CDH13: variants seen among roughly 807,000 people sequenced by gnomAD.
CDH13 encodes cadherin 13, also known as cadherin-13.
In CDH13, 24 loss-of-function variants were observed where a neutral mutation model predicts 63.8. The observed-to-expected ratio is 0.38, with a 90% CI of 0.27 to 0.53. The LOEUF is 0.53. Ranked by LOEUF, CDH13 falls within the 20% of genes least tolerant of loss-of-function variation. The probability of loss-of-function intolerance (pLI) is 0.85; values close to 1 mark genes in which losing one functional copy is unlikely to be tolerated. For missense variants in CDH13, 1,049 were observed against 903.1 expected (o/e 1.16, Z -2.07); for synonymous variants, 503 against 355.3 (o/e 1.42, Z -4.67).
chr16:83,574,481 C>G (rs1904925935), intron 7 of CDH13, among the ~76,000 whole-genome samples: 1 of 152,108 alleles, frequency 6.6e-6, no homozygotes, highest in African/African-American at 2.4e-5. Context: ...GAACCAAATA[C>G]CCAGGTCTGG....
Position 83,678,288 on chromosome 16 carries a change from C to T in CDH13, c.1365C>T (p.Ser455=). 1.2e-6 allele frequency: 2 copies of T among 1,614,008 alleles called. No homozygotes were observed. Among genetic ancestry groups the T allele is most frequent in the Non-Finnish European group, 1.7e-6 (2 of 1,179,900 alleles). ...ENEDPLVPDV[S]YGPSSTATVH... is the part of the protein sequence containing the mutation. ...AAGACCCACTCGTACCCGACGTCTC[C>T]TACGGCCCCAGCTCCACAGCCACCG... Residue 455 remains serine (S), a synonymous_variant, in exon 10 of 14, where the codon TCC becomes TCT. Coordinates refer to ENST00000567109, the MANE Select transcript of CDH13 (RefSeq NM_001257.5).
intron 5 of CDH13, among the ~76,000 whole-genome samples, chr16:83,310,666 A>G (rs1321217256): frequency 6.6e-6 from 1 of 152,112 alleles, no homozygotes; most frequent in Non-Finnish European, 1.5e-5. Flanking sequence ...ACTTCATTCC[A>G]TCAAAATGAA....
intron 5 of CDH13, among the ~76,000 whole-genome samples, chr16:83,276,745 C>A (rs2089001705): frequency 6.6e-6 from 1 of 152,136 alleles, no homozygotes; most frequent in African/African-American, 2.4e-5. Context: ...GTGACAGGCA[C>A]CTGTAGCCAC....
intron 8 of CDH13, among the ~76,000 whole-genome samples, chr16:83,605,456 T>C (rs997063885): frequency 3.9e-5 from 6 of 152,172 alleles, no homozygotes; most frequent in East Asian, 1.9e-4. Context: ...GGAGCCGGAA[T>C]TGGGTTCACA....
intron 8 of CDH13, among the ~76,000 whole-genome samples, chr16:83,656,792 A>G (rs1912911370): frequency 6.6e-6 from 1 of 152,208 alleles, no homozygotes; most frequent in South Asian, 2.1e-4. Context: ...AACCATTCCC[A>G]GTTATCCTTT....
At chr16:82,853,765 A>T (rs2039584301) in intron 1 of CDH13, among the ~76,000 whole-genome samples, 1 of 152,196 alleles carries the variant, frequency 6.6e-6, no homozygotes, top group African/African-American at 2.4e-5. Flanking sequence ...TTAGGTACTC[A>T]CTGATGCATA....
Position 83,261,282 on chromosome 16 carries a change from G to A in CDH13, c.636+43785G>A, listed in dbSNP as rs563805477. Among the ~76,000 whole-genome samples the A allele has an allele frequency of 4.6e-5, 7 of 152,320 alleles. No individual in the cohort carries two copies. The East Asian group carries it at 9.7e-4, about 21-fold the overall frequency. ...AGTGCTTTTGCTAAACACCAACTCT[G>A]TGGAAAGCTCATTACCGATACGTTA... is the stretch of plus-strand genomic sequence containing the variant. On this transcript the variant is annotated intron_variant, in intron 5 of 13. Coordinates refer to ENST00000567109, the MANE Select transcript of CDH13 (RefSeq NM_001257.5).
intron 3 of CDH13, among the ~76,000 whole-genome samples, chr16:83,060,982 A>C (rs1470413164): frequency 6.6e-6 from 1 of 152,130 alleles, no homozygotes; most frequent in African/African-American, 2.4e-5. Context: ...TCTCACTCCT[A>C]CACTCCTGCA....
intron 11 of CDH13, among the ~76,000 whole-genome samples, chr16:83,750,058 G>A (rs1330890771): frequency 6.6e-6 from 1 of 152,200 alleles, no homozygotes; most frequent in Non-Finnish European, 1.5e-5. Flanking sequence ...AGAACGTTGG[G>A]AGGCTGAGGT....
intron 4 of CDH13, among the ~76,000 whole-genome samples, chr16:83,158,824 G>A (rs1427996391): frequency 5.9e-5 from 9 of 152,368 alleles, no homozygotes; most frequent in Non-Finnish European, 1.0e-4. Flanking sequence ...GCCAGGAAGG[G>A]CGGCGGGGTG....
At chr16:83,052,550 C>T (rs562025244) in intron 3 of CDH13, among the ~76,000 whole-genome samples, 117 of 152,204 alleles carry the variant, frequency 7.7e-4, no homozygotes, top group Non-Finnish European at 1.3e-3. Context: ...GAGGCCAAGG[C>T]GGGCAGATCA....
At chr16:82,705,026 G>A (rs755449254) in intron 1 of CDH13, 4 of 406,726 alleles carry the variant, frequency 9.8e-6, no homozygotes, top group South Asian at 1.8e-5. Flanking sequence ...GCCACTGGAC[G>A]GGAAAATAAA....
rs139139924 is a variant in CDH13 at position 82,702,595 on chromosome 16, A to G, written c.45+75458A>G. Among the ~76,000 whole-genome samples the G allele has an allele frequency of 5.4e-3, 819 of 151,726 alleles. 6 individuals are homozygous for G. The highest frequency in any genetic ancestry group is 0.019 in the African/African-American group (782 of 41,118). Reference sequence around the variant, plus strand: ...ATGTTTTATCAGTCAAATTTCTAAGAATCAATAAAACTTCCATTTGGATTA... The same window carrying G: ...ATGTTTTATCAGTCAAATTTCTAAGGATCAATAAAACTTCCATTTGGATTA... On this transcript the variant is annotated intron_variant, in intron 1 of 13. Coordinates refer to ENST00000567109, the MANE Select transcript of CDH13 (RefSeq NM_001257.5).
intron 4 of CDH13, among the ~76,000 whole-genome samples, chr16:83,206,049 C>T (rs553772298): frequency 5.9e-5 from 9 of 152,050 alleles, no homozygotes; most frequent in Admixed American, 3.3e-4. Flanking sequence ...TATTTCATTA[C>T]GGGGTGGCCT....
rs563785261 is a variant in CDH13, at chr16:83,206,250, G to T, written c.484-11095G>T. ...TACTGATTGCCTACGAAGCCCTCTGGCCGTGATTTCTCTGACAATCTCAGA... is the reference window on the plus strand; with the variant it reads ...TACTGATTGCCTACGAAGCCCTCTGTCCGTGATTTCTCTGACAATCTCAGA... On this transcript the variant is annotated intron_variant, in intron 4 of 13. Coordinates refer to ENST00000567109, the MANE Select transcript of CDH13 (RefSeq NM_001257.5). Among the ~76,000 whole-genome samples, 3 of 152,252 alleles carry T rather than the reference G, an allele frequency of 2.0e-5. No homozygotes were observed. In the South Asian group the frequency reaches 6.2e-4, roughly 32 times the overall value.
chr16:82,706,043 C>G (rs2031460982), intron 1 of CDH13, among the ~76,000 whole-genome samples: 1 of 151,992 alleles, frequency 6.6e-6, no homozygotes, highest in South Asian at 2.1e-4. Context: ...GTCTTCCCTC[C>G]CTTCTTCCCT....
intron 2 of CDH13, among the ~76,000 whole-genome samples, chr16:83,024,799 A>G (rs918482262): frequency 6.6e-6 from 1 of 152,204 alleles, no homozygotes; most frequent in Non-Finnish European, 1.5e-5. Flanking sequence ...TGTTGATTCT[A>G]TTTTGAGCAG....
intron 2 of CDH13, among the ~76,000 whole-genome samples, chr16:82,923,505 G>A (rs2042218606): frequency 6.6e-6 from 1 of 152,204 alleles, no homozygotes; most frequent in Admixed American, 6.5e-5. Flanking sequence ...CAACTCTTAG[G>A]GAGGTCACAG....
intron 4 of CDH13, among the ~76,000 whole-genome samples, chr16:83,156,689 C>T (rs7192933): frequency 0.32 from 48,956 of 152,060 alleles, 9,201 homozygotes; most frequent in African/African-American, 0.53. Context: ...TGCGTCTTGA[C>T]GACATGAAAC....
Sources: gnomAD v4.1 joint callset for allele counts (sites outside exome capture counted in the v4.1 genomes callset) on GRCh38, gnomAD v4.1.1 for gene constraint, MANE v1.5 for transcripts, NCBI Gene and HGNC (gene_info 2026-07-23, HGNC 2026-07-21) for gene names.